Variants in ADAMTSL2 observed in about 807,000 individuals in gnomAD.
The protein encoded by ADAMTSL2 is ADAMTS-like protein 2.
A neutral mutation model predicts 117.0 loss-of-function variants in ADAMTSL2; 55 were observed. The ratio of observed to expected loss-of-function variants is 0.47; its 90% CI spans 0.38 to 0.59. ADAMTSL2 has a LOEUF of 0.59. Among genes scored for constraint, ADAMTSL2 ranks in the 20% least tolerant of loss-of-function variants. The pLI is 0.00. For missense variants in ADAMTSL2, 1,182 were observed against 1,354.5 expected (o/e 0.87, Z 2.00); for synonymous variants, 572 against 566.4 (o/e 1.01, Z -0.14).
chr9:133,538,470 C>G, intron 4 of ADAMTSL2, 46 bp downstream of exon 4: 3 of 1,604,018 alleles, frequency 1.9e-6, no homozygotes, highest in Non-Finnish European at 2.6e-6. Flanking sequence ...CTCTCCCTGT[C>G]ATCATGCAGT....
chr9:133,574,665 C>A, intron 18 of ADAMTSL2, 81 bp from the exon 19 acceptor site: 2 of 1,233,806 alleles, frequency 1.6e-6, no homozygotes, highest in Non-Finnish European at 1.2e-6. Flanking sequence ...CCCTGGAAAA[C>A]GGCACGTGGG....
chr9:133,547,052 G>A lies in ADAMTSL2; in HGVS notation c.778G>A (p.Ala260Thr). 6.2e-7 allele frequency: 1 copy of A among 1,613,832 alleles called. No homozygotes were observed. The highest frequency in any genetic ancestry group is 8.5e-7 in the Non-Finnish European group (1 of 1,179,802). ...TGCCCTTCCAGCTCTTGCAGACGAA[G>A]CTGGCTACTACTTCTTCAACGGCAA... ...SADVLALADE[A>T]GYYFFNGNYK... Residue 260 changes from alanine (A) to threonine (T), a missense_variant, in exon 9 of 19, where the codon GCT becomes ACT. Ala to Thr is a moderately conservative substitution (Grantham distance 58). Transcript: ENST00000651351.
chr9:133,573,784 G>A (rs1831165008), intron 17 of ADAMTSL2, 59 bp from the exon 18 acceptor site: 17 of 1,609,542 alleles, frequency 1.1e-5, no homozygotes, highest in Admixed American at 8.3e-5. Context: ...CCCGCCCCCT[G>A]CCCAGGCCCC....
chr9:133,535,445 G>A (rs1376020961), intron 1 of ADAMTSL2, among the ~76,000 whole-genome samples: 2 of 152,130 alleles, frequency 1.3e-5, no homozygotes, highest in East Asian at 1.9e-4. Context: ...CTGCTGCGTC[G>A]TCCGGGCTGC....
rs962482624 is a variant in ADAMTSL2, at chr9:133,575,152, C to T, written c.*288C>T. On this transcript the variant is annotated 3_prime_UTR_variant, in exon 19 of 19. Transcript: ENST00000651351. Reference sequence around the variant, plus strand: ...TGTTTGTGGCTCCCACTCCCCAGCCCCCCAGCAGCCCCCAGCCGAGGGGCC... The same window carrying T: ...TGTTTGTGGCTCCCACTCCCCAGCCTCCCAGCAGCCCCCAGCCGAGGGGCC... 1 of 459,846 alleles carries T rather than the reference C, an allele frequency of 2.2e-6. No individual in the cohort carries two copies. Among genetic ancestry groups the T allele is most frequent in the Non-Finnish European group, 4.0e-6 (1 of 250,318 alleles). 28.5% of individuals were successfully genotyped at this position (459,846 alleles called of 1,614,324 possible). A position where few individuals can be genotyped will look rare whatever the true frequency, so the allele number is the denominator to read the frequency against.
chr9:133,534,382 C>T (rs748854952), upstream of ADAMTSL2: 111 of 212,664 alleles, frequency 5.2e-4, no homozygotes, highest in South Asian at 1.5e-3. Context: ...AGGCAGAAGC[C>T]GGACAGGCGG....
rs1234827647 is a variant in ADAMTSL2 at position 133,574,839 on chromosome 9, G to A, written c.2831G>A (p.Arg944His). 112 of 1,613,332 alleles carry A rather than the reference G, an allele frequency of 6.9e-5. No individual in the cohort carries two copies. The highest frequency in any genetic ancestry group is 2.3e-4 in the South Asian group (21 of 91,076). ...GHWYYSKACC[R>H]SCRPPHS is the part of the protein sequence containing the mutation. ...TGGTACTACAGCAAGGCGTGCTGCC[G>A]CTCCTGCAGGCCCCCCCACTCCTAG... The change falls in exon 19 of 19, where the codon CGC becomes CAC. Residue 944 changes from arginine (R) to histidine (H), a missense_variant. Coordinates refer to ENST00000651351, the MANE Select transcript of ADAMTSL2 (RefSeq NM_014694.4).
At chr9:133,544,283 G>A (rs550477887) in intron 7 of ADAMTSL2, among the ~76,000 whole-genome samples, 187 bp from the exon 8 acceptor site, 17 of 152,272 alleles carry the variant, frequency 1.1e-4, no homozygotes, top group Middle Eastern at 3.4e-3. Flanking sequence ...GCCTGGGCAG[G>A]TGCCCAGCTT....
At position 133,568,740 on chromosome 9, in the gene ADAMTSL2, C is replaced by T. The variant is rs1831035475; in HGVS notation, c.2226C>T (p.Thr742=). The change falls in exon 15 of 19, where the codon ACC becomes ACT. Residue 742 remains threonine (T), a synonymous_variant. Coordinates refer to ENST00000651351, the MANE Select transcript of ADAMTSL2 (RefSeq NM_014694.4). ...GCCCGCCCTGTGACCGGCAGTGGACCGTCTCCGACTGGGGACCGGTGAGGC... is the reference window on the plus strand; with the variant it reads ...GCCCGCCCTGTGACCGGCAGTGGACTGTCTCCGACTGGGGACCGGTGAGGC... ...CTGPPCDRQW[T]VSDWGPCSGS... The T allele has an allele frequency of 4.3e-6, 7 of 1,613,082 alleles. No homozygotes were observed. The highest frequency in any genetic ancestry group is 1.1e-5 in the South Asian group (1 of 91,074).
Position 133,536,818 on chromosome 9 carries a change from T to C in ADAMTSL2, c.90+16T>C, listed in dbSNP as rs1830064240. ...CGGGTCCACGGTGAGTGGGGTGTTG[T>C]GGTCTGAGGGCCCATGCCAGTCCCC... On this transcript the variant is annotated intron_variant, in intron 2 of 18. Coordinates refer to ENST00000651351, the MANE Select transcript of ADAMTSL2 (RefSeq NM_014694.4). 2 of 1,613,962 alleles carry C rather than the reference T, an allele frequency of 1.2e-6. No homozygotes were observed. Among genetic ancestry groups the C allele is most frequent in the Non-Finnish European group, 1.7e-6 (2 of 1,180,036 alleles).
chr9:133,565,477 G>A (rs1189789772), intron 12 of ADAMTSL2, among the ~76,000 whole-genome samples: 7 of 152,210 alleles, frequency 4.6e-5, no homozygotes, highest in African/African-American at 1.7e-4. Context: ...GGGCCCCAGA[G>A]CGGGTGTCTC....
At chr9:133,543,457 C>T (rs899634391) in intron 7 of ADAMTSL2, among the ~76,000 whole-genome samples, 6 of 152,254 alleles carry the variant, frequency 3.9e-5, no homozygotes, top group African/African-American at 1.2e-4. Context: ...GTTTACACCA[C>T]GGAAATTGGC....
chr9:133,552,895 C>T (rs1181496912), intron 9 of ADAMTSL2, among the ~76,000 whole-genome samples: 5 of 152,356 alleles, frequency 3.3e-5, no homozygotes, highest in South Asian at 2.1e-4. Flanking sequence ...TTTCTCCCCA[C>T]GTTCTTACCA....
chr9:133,569,377 G>T, intron 15 of ADAMTSL2, 31 bp from the exon 16 acceptor site: 1 of 1,609,978 alleles, frequency 6.2e-7, no homozygotes, highest in Non-Finnish European at 8.5e-7. Flanking sequence ...GCCTCTCACT[G>T]GATGTCCCCT....
At chr9:133,539,394 C>T (rs9802393) in intron 4 of ADAMTSL2, among the ~76,000 whole-genome samples, 131,046 of 152,252 alleles carry the variant, frequency 0.86, 56,832 homozygotes, top group African/African-American at 0.96. Context: ...CAGGCCCTGT[C>T]CCGTCACTGT....
In ADAMTSL2 at chr9:133,543,477, A is replaced by G. The variant is rs367951089; in HGVS notation, c.683-993A>G. 7.2e-5 allele frequency among the ~76,000 whole-genome samples: 11 copies of G among 152,384 alleles called. No individual in the cohort carries two copies. The East Asian group carries it at 1.3e-3, about 19-fold the overall frequency. ...CACCACGGAAATTGGCCAATGCTAC[A>G]AGTCACAGCTCCTGTTCCCCTGTGT... is the stretch of plus-strand genomic sequence containing the variant. On this transcript the variant is annotated intron_variant, in intron 7 of 18. Coordinates refer to ENST00000651351, the MANE Select transcript of ADAMTSL2 (RefSeq NM_014694.4).
In ADAMTSL2 at chr9:133,558,685, C is replaced by T. The variant is rs1830662053; in HGVS notation, c.1650-2513C>T. ...AGTGACAGGTGGTCTGGTGGTGACT[C>T]CACAGCCGTCACCAGCCCCAGTCTA... On this transcript the variant is annotated intron_variant, in intron 11 of 18. Transcript: ENST00000651351. The surrounding 1 kb of genome is among the most constrained non-coding windows in gnomAD (Gnocchi z 4.3). 6.6e-6 allele frequency among the ~76,000 whole-genome samples: 1 copy of T among 152,212 alleles called. No individual in the cohort carries two copies. Among genetic ancestry groups the T allele is most frequent in the African/African-American group, 2.4e-5 (1 of 41,442 alleles).
At chr9:133,542,733 C>T (rs1269731113) in intron 7 of ADAMTSL2, among the ~76,000 whole-genome samples, 1 of 151,904 alleles carries the variant, frequency 6.6e-6, no homozygotes, top group African/African-American at 2.4e-5. Context: ...CCCAGGCAGC[C>T]TACTCTTGGC....
At chr9:133,540,492 C>G in intron 5 of ADAMTSL2, 106 bp from the exon 6 acceptor site, 1 of 1,471,610 alleles carries the variant, frequency 6.8e-7, no homozygotes, top group Non-Finnish European at 9.2e-7. Flanking sequence ...CCTGAGTTGC[C>G]CCATCTATGC....
Sources: gnomAD v4.1 joint callset for allele counts (sites outside exome capture counted in the v4.1 genomes callset) on GRCh38, gnomAD v4.1.1 for gene constraint, Gnocchi (gnomAD v3.1) non-coding constraint, MANE v1.5 for transcripts, NCBI Gene and HGNC (gene_info 2026-07-23, HGNC 2026-07-21) for gene names.